Variants in MYH11 observed in about 807,000 individuals in gnomAD.
MYH11 encodes myosin-11.
In MYH11, 80 loss-of-function variants were observed where a neutral mutation model predicts 246.6. The ratio of observed to expected loss-of-function variants is 0.32; its 90% CI spans 0.27 to 0.39. MYH11 has a LOEUF of 0.39. MYH11 is among the 10% of genes least tolerant of loss of function. The pLI, the probability that MYH11 is intolerant of heterozygous loss-of-function variation, is 1.00. For missense variants in MYH11, 2,158 were observed against 2,546.8 expected, an observed-to-expected ratio of 0.85 and a Z score of 3.29; for synonymous variants, 1,071 against 1,015.5, an observed-to-expected ratio of 1.05 and a Z score of -1.04.
intron 28 of MYH11, 45 bp downstream of exon 28, chr16:15,726,803 G>C: frequency 6.2e-7 from 1 of 1,605,740 alleles, no homozygotes; most frequent in Non-Finnish European, 8.5e-7. Context: ...ACAGAACTGG[G>C]CACCACCCAG....
chr16:15,766,090 C>T (rs1457600875), intron 9 of MYH11, among the ~76,000 whole-genome samples: 1 of 152,074 alleles, frequency 6.6e-6, no homozygotes, highest in African/African-American at 2.4e-5. Context: ...GTTGTGACAA[C>T]CACAAATGTC....
intron 2 of MYH11, among the ~76,000 whole-genome samples, chr16:15,833,726 A>C (rs190422520): frequency 1.2e-4 from 19 of 152,278 alleles, no homozygotes; most frequent in African/African-American, 4.3e-4. Flanking sequence ...TATCTTCATC[A>C]CAGAGGGCAA....
chr16:15,730,314 C>G (rs2040922274), intron 27 of MYH11, among the ~76,000 whole-genome samples: 1 of 150,504 alleles, frequency 6.6e-6, no homozygotes, highest in Non-Finnish European at 1.5e-5. Flanking sequence ...GGTGGATCAC[C>G]TGAGGTCAGG....
At chr16:15,774,935 T>A (rs966250474) in intron 8 of MYH11, among the ~76,000 whole-genome samples, 19 of 152,214 alleles carry the variant, frequency 1.2e-4, no homozygotes, top group African/African-American at 4.3e-4. Flanking sequence ...AGCTGAGGTC[T>A]ACAATACACT....
intron 31 of MYH11, among the ~76,000 whole-genome samples, chr16:15,721,949 G>T (rs938600484): frequency 6.6e-6 from 1 of 151,908 alleles, no homozygotes; most frequent in African/African-American, 2.4e-5. Context: ...CCTCCGCCTC[G>T]TGGGTTCAAG....
Position 15,786,705 on chromosome 16 carries a change from T to C in MYH11, c.558A>G (p.Glu186=). ...CTGESGAGKT[E]NTKKVIQYLA... ...GGTACTGAATGACCTTCTTGGTGTT[T>C]TCGGTTTTCCCGGCTCCAGACTCGC... The change falls in exon 5 of 41, where the codon GAA becomes GAG. Residue 186 remains glutamate, a synonymous_variant. Transcript: ENST00000300036. 1 of 1,614,100 alleles carries C rather than the reference T, an allele frequency of 6.2e-7. No homozygotes were observed. Among genetic ancestry groups the C allele is most frequent in the South Asian group, 1.1e-5 (1 of 91,072 alleles).
rs1259102445 is a variant in MYH11, at chr16:15,750,001, G to C, written c.2058+137C>G. 9.3e-7 allele frequency: 1 copy of C among 1,077,438 alleles called. No individual in the cohort carries two copies. The highest frequency in any genetic ancestry group is 2.0e-5 in the Admixed American group (1 of 48,810). 66.7% of individuals were successfully genotyped at this position (1,077,438 alleles called of 1,614,324 possible). ...TCCTCCAGGGATGGGGAATGGGTCT[G>C]AGATTCAGATAGCCTTCCCCACATG... On this transcript the variant is annotated intron_variant, in intron 16 of 40. Transcript: ENST00000300036. The surrounding 1 kb of genome is among the most constrained non-coding windows in gnomAD (Gnocchi z 4.3).
chr16:15,847,703 C>T (rs72773915), intron 1 of MYH11, among the ~76,000 whole-genome samples: 2,968 of 152,230 alleles, frequency 0.019, 83 homozygotes, highest in African/African-American at 0.057. Context: ...CAAACAAGAT[C>T]AAGTGCAAAG....
intron 6 of MYH11, among the ~76,000 whole-genome samples, chr16:15,780,794 A>C (rs1317575847): frequency 1.3e-5 from 2 of 151,916 alleles, no homozygotes; most frequent in Non-Finnish European, 2.9e-5. Flanking sequence ...CTAGATTTTT[A>C]TGCTTTTAAA....
At chr16:15,792,590 C>T (rs2042635782) in intron 4 of MYH11, 1 of 151,990 alleles carries the variant, frequency 6.6e-6, no homozygotes, top group Non-Finnish European at 1.5e-5. Context: ...AATACGTAAA[C>T]AAGTGGGTGC....
chr16:15,826,565 G>A (rs561247047), intron 2 of MYH11, among the ~76,000 whole-genome samples: 1 of 150,908 alleles, frequency 6.6e-6, no homozygotes, highest in East Asian at 1.9e-4. Flanking sequence ...TCCAGCCTGT[G>A]TGACACGGTG....
chr16:15,781,511 G>T (rs1245607839), intron 6 of MYH11, among the ~76,000 whole-genome samples: 1 of 152,154 alleles, frequency 6.6e-6, no homozygotes, highest in African/African-American at 2.4e-5. Flanking sequence ...GAATGCAGAG[G>T]CAATTTTTCC....
At chr16:15,842,835 TCAG>T (rs929519459) in intron 1 of MYH11, among the ~76,000 whole-genome samples, 2 of 149,110 alleles carry the variant, frequency 1.3e-5, no homozygotes, top group African/African-American at 2.5e-5. Context: ...AATAATCACT[TCAG>T]ATATCCAGAA....
intron 1 of MYH11, among the ~76,000 whole-genome samples, chr16:15,856,189 G>C (rs958787183): frequency 3.3e-5 from 5 of 151,416 alleles, no homozygotes; most frequent in South Asian, 4.2e-4. Flanking sequence ...TGGGTATCTG[G>C]GGGCCCTTTG....
chr16:15,829,862 C>T (rs762254004), intron 2 of MYH11, among the ~76,000 whole-genome samples: 6 of 152,110 alleles, frequency 3.9e-5, no homozygotes, highest in Admixed American at 2.6e-4. Context: ...TGGCCGGGCG[C>T]AGTGGCTCAC....
chr16:15,796,252 G>T (rs985776224), intron 4 of MYH11, among the ~76,000 whole-genome samples: 1 of 152,166 alleles, frequency 6.6e-6, no homozygotes, highest in African/African-American at 2.4e-5. Flanking sequence ...TCAATTAAGT[G>T]AACTTTTAAG....
chr16:15,852,187 CTGA>C (rs1341363042), intron 1 of MYH11, among the ~76,000 whole-genome samples: 1 of 152,136 alleles, frequency 6.6e-6, no homozygotes, highest in Admixed American at 6.6e-5. Flanking sequence ...TAACCAATGC[CTGA>C]TGATGAGGTG....
chr16:15,711,418 T>G (rs1768862583), intron 40 of MYH11: 1 of 152,240 alleles, frequency 6.6e-6, no homozygotes, highest in Non-Finnish European at 1.5e-5. Context: ...GATCAAGTTG[T>G]GGCCACAATA....
chr16:15,806,956 CT>C (rs35562110), intron 3 of MYH11, among the ~76,000 whole-genome samples: 2 of 149,988 alleles, frequency 1.3e-5, no homozygotes, highest in Admixed American at 6.7e-5. Context: ...ATAAGATCTG[CT>C]TTTTTTTTTC....
Sources: allele counts gnomAD v4.1 joint callset (sites outside exome capture counted in the v4.1 genomes callset), GRCh38; gene constraint gnomAD v4.1.1; non-coding constraint Gnocchi (gnomAD v3.1); transcripts MANE v1.5; gene names NCBI Gene and HGNC (gene_info 2026-07-23, HGNC 2026-07-21).